GLRA3: variants seen among roughly 807,000 people sequenced by gnomAD.
The protein encoded by GLRA3 is glycine receptor subunit alpha-3.
Under a neutral mutation model 60.4 loss-of-function variants are expected in GLRA3, and 44 were observed. The observed-to-expected ratio is 0.73, with a 90% CI of 0.57 to 0.94. The LOEUF is 0.94. Among genes scored for constraint, GLRA3 ranks in the 40% least tolerant of loss-of-function variants. The pLI is 0.00. For missense variants in GLRA3, 508 were observed against 564.6 expected, an observed-to-expected ratio of 0.90 and a Z score of 1.02; for synonymous variants, 223 against 192.9, an observed-to-expected ratio of 1.16 and a Z score of -1.29.
chr4:174,801,915 C>T (rs1337134617), intron 1 of GLRA3, among the ~76,000 whole-genome samples: 1 of 151,996 alleles, frequency 6.6e-6, no homozygotes, highest in African/African-American at 2.4e-5. Context: ...GTCTATCTGC[C>T]TCCTTTGTAG....
chr4:174,645,341 G>A (rs1732772472), intron 9 of GLRA3, among the ~76,000 whole-genome samples: 1 of 151,586 alleles, frequency 6.6e-6, no homozygotes, highest in African/African-American at 2.4e-5. Context: ...GATCCCTGGA[G>A]GTGGAGATTG....
chr4:174,756,708 G>A (rs938875940), intron 3 of GLRA3, among the ~76,000 whole-genome samples: 2 of 150,122 alleles, frequency 1.3e-5, no homozygotes, highest in Admixed American at 6.7e-5. Flanking sequence ...GCAGTGGCGC[G>A]ATCTCAGCTC....
At chr4:174,706,158 A>T (rs1466272374) in intron 5 of GLRA3, among the ~76,000 whole-genome samples, 1 of 151,800 alleles carries the variant, frequency 6.6e-6, no homozygotes, top group Non-Finnish European at 1.5e-5. Context: ...TGAACCCGGG[A>T]GGCAGAGCTT....
At chr4:174,728,907 G>A (rs532498912) in intron 3 of GLRA3, among the ~76,000 whole-genome samples, 2 of 152,238 alleles carry the variant, frequency 1.3e-5, no homozygotes, top group South Asian at 2.1e-4. Flanking sequence ...CAATTTTGCT[G>A]TAAACCTAAA....
At chr4:174,647,959 A>G (rs1732888428) in intron 9 of GLRA3, among the ~76,000 whole-genome samples, 1 of 152,196 alleles carries the variant, frequency 6.6e-6, no homozygotes, top group Admixed American at 6.5e-5. Context: ...AAGAAGTGGT[A>G]GCAGTTCTCT....
intron 2 of GLRA3, among the ~76,000 whole-genome samples, chr4:174,785,485 C>A (rs985508581): frequency 6.6e-6 from 1 of 152,072 alleles, no homozygotes; most frequent in Non-Finnish European, 1.5e-5. Flanking sequence ...TGTTATATTA[C>A]TGTTATACAC....
At chr4:174,825,664 A>G (rs1269479388) in intron 1 of GLRA3, among the ~76,000 whole-genome samples, 1 of 152,130 alleles carries the variant, frequency 6.6e-6, no homozygotes, top group East Asian at 1.9e-4. Context: ...TATTAATATG[A>G]TAACTAAAAT....
intron 1 of GLRA3, among the ~76,000 whole-genome samples, chr4:174,804,145 C>T (rs1385043528): frequency 1.3e-5 from 2 of 152,052 alleles, no homozygotes; most frequent in Admixed American, 1.3e-4. Context: ...ATATAAAACT[C>T]AGTGAAAATT....
At chr4:174,658,119 A>T (rs890369923) in intron 8 of GLRA3, among the ~76,000 whole-genome samples, 1 of 152,214 alleles carries the variant, frequency 6.6e-6, no homozygotes, top group Non-Finnish European at 1.5e-5. Flanking sequence ...ATACTTAAAA[A>T]TGCACACTAT....
chr4:174,651,630 G>A (rs1733023374), intron 9 of GLRA3, among the ~76,000 whole-genome samples: 1 of 152,076 alleles, frequency 6.6e-6, no homozygotes. Flanking sequence ...CCAGTCACCT[G>A]TTCTCCAGGT....
chr4:174,800,467 A>G (rs1366082018), intron 1 of GLRA3, among the ~76,000 whole-genome samples: 2 of 152,076 alleles, frequency 1.3e-5, no homozygotes, highest in African/African-American at 4.8e-5. Flanking sequence ...CATACTCTCA[A>G]ATGGATTTTA....
chr4:174,726,708 G>A (rs1183195487), intron 4 of GLRA3, among the ~76,000 whole-genome samples: 1 of 152,108 alleles, frequency 6.6e-6, no homozygotes, highest in African/African-American at 2.4e-5. Context: ...ATCCACCACT[G>A]GGCATCTCCC....
chr4:174,732,823 GTGTA>G (rs1364755476), intron 3 of GLRA3, among the ~76,000 whole-genome samples: 7 of 151,920 alleles, frequency 4.6e-5, no homozygotes, highest in Admixed American at 3.9e-4. Flanking sequence ...GTGTATGTAT[GTGTA>G]TGTGTGTGTA....
At chr4:174,734,227 T>G (rs1736679192) in intron 3 of GLRA3, among the ~76,000 whole-genome samples, 1 of 152,212 alleles carries the variant, frequency 6.6e-6, no homozygotes. Context: ...AATGTCTCAC[T>G]GGTTTAGCTG....
chr4:174,711,556 C>T (rs1735720873), intron 5 of GLRA3, among the ~76,000 whole-genome samples: 2 of 151,790 alleles, frequency 1.3e-5, no homozygotes, highest in Admixed American at 6.6e-5. Flanking sequence ...TCTCCAGCCT[C>T]AGCCACCCGA....
At chr4:174,814,306 G>T (rs951860439) in intron 1 of GLRA3, among the ~76,000 whole-genome samples, 1 of 152,130 alleles carries the variant, frequency 6.6e-6, no homozygotes, top group Non-Finnish European at 1.5e-5. Flanking sequence ...CTCTCAGCAG[G>T]ATGCGGAGCT....
chr4:174,642,891 T>A lies in GLRA3; in HGVS notation c.*895A>T. 1 of 729,740 alleles carries A rather than the reference T, an allele frequency of 1.4e-6. No homozygotes were observed. Among genetic ancestry groups the A allele is most frequent in the Non-Finnish European group, 1.7e-6 (1 of 597,102 alleles). The allele number at this position is 729,740 out of a possible 1,614,324, so 45.2% of individuals were successfully genotyped here. ...ATCCCATTGAATTTTAAAGTCACAT[T>A]CTAAACTAAAATATAAAAGTCTTAC... On this transcript the variant is annotated 3_prime_UTR_variant, in exon 10 of 10. Coordinates refer to ENST00000274093, the MANE Select transcript of GLRA3 (RefSeq NM_006529.4).
chr4:174,709,499 A>C (rs1199876462), intron 5 of GLRA3, among the ~76,000 whole-genome samples: 1 of 152,062 alleles, frequency 6.6e-6, no homozygotes, highest in African/African-American at 2.4e-5. Context: ...TGAGAGTGAA[A>C]AATGAGTATT....
In GLRA3 at chr4:174,817,644, G is replaced by C. The variant is rs536200767; in HGVS notation, c.71+11097C>G. Among the ~76,000 whole-genome samples, 20 of 152,246 alleles carry C rather than the reference G, an allele frequency of 1.3e-4. 1 individual carries two copies. The South Asian group carries it at 3.9e-3, about 30-fold the overall frequency. ...CTTTTTTGAGATGGAGTCTTGCTCT[G>C]TTGCCCAGGCTGGAGTGCAGTGTCA... On this transcript the variant is annotated intron_variant, in intron 1 of 9. Coordinates refer to ENST00000274093, the MANE Select transcript of GLRA3 (RefSeq NM_006529.4).
Sources: gnomAD v4.1 joint callset for allele counts (sites outside exome capture counted in the v4.1 genomes callset) on GRCh38, gnomAD v4.1.1 for gene constraint, MANE v1.5 for transcripts, NCBI Gene and HGNC (gene_info 2026-07-23, HGNC 2026-07-21) for gene names.